C8orf34: variants seen among roughly 807,000 people sequenced by gnomAD.
The protein encoded by C8orf34 is uncharacterized protein C8orf34.
A neutral mutation model predicts 68.3 loss-of-function variants in C8orf34; 65 were observed. The observed-to-expected ratio is 0.95, with a 90% CI of 0.78 to 1.17. The LOEUF is 1.17. C8orf34 is among the 50% of genes most tolerant of loss of function. The pLI is 0.00. For synonymous variants in C8orf34, 244 were observed against 241.2 expected (o/e 1.01, Z -0.11); for missense variants, 664 against 655.4 (o/e 1.01, Z -0.14).
At chr8:68,612,291 G>A (rs1818046520) in intron 7 of C8orf34, among the ~76,000 whole-genome samples, 1 of 152,130 alleles carries the variant, frequency 6.6e-6, no homozygotes, top group Admixed American at 6.6e-5. Flanking sequence ...GAGTTAGCCA[G>A]TTCTTTTCCA....
rs191258465 is a variant in C8orf34 at position 68,660,478 on chromosome 8, C to G, written c.1241+19967C>G. On this transcript the variant is annotated intron_variant, in intron 8 of 13. Coordinates refer to ENST00000518698, the MANE Select transcript of C8orf34 (RefSeq NM_052958.4). ...TTATCCACATTTACCCACACACTGT[C>G]TTTCCCCTGCTGCTCGTAACCTTTG... Among the ~76,000 whole-genome samples the G allele has an allele frequency of 1.7e-4, 26 of 152,312 alleles. No homozygotes were observed. The East Asian group carries it at 3.9e-3, about 23-fold the overall frequency.
chr8:68,743,100 C>A (rs1171477565), intron 10 of C8orf34, among the ~76,000 whole-genome samples: 1 of 152,116 alleles, frequency 6.6e-6, no homozygotes, highest in Non-Finnish European at 1.5e-5. Flanking sequence ...GAATTTAAGT[C>A]CAGCTCTCCT....
At chr8:68,535,856 A>G in intron 7 of C8orf34, 1 of 981,356 alleles carries the variant, frequency 1.0e-6, no homozygotes, top group Non-Finnish European at 1.2e-6. Context: ...CATTTTAAGC[A>G]CCTCTGAAAT....
chr8:68,658,754 A>G (rs1819583294), intron 8 of C8orf34, among the ~76,000 whole-genome samples: 1 of 152,166 alleles, frequency 6.6e-6, no homozygotes, highest in African/African-American at 2.4e-5. Flanking sequence ...TAACCAAATT[A>G]TCCCTTTATG....
At chr8:68,464,320 A>G (rs947070312) in intron 3 of C8orf34, among the ~76,000 whole-genome samples, 2 of 152,224 alleles carry the variant, frequency 1.3e-5, no homozygotes, top group Admixed American at 1.3e-4. Flanking sequence ...AAATGGAAGA[A>G]TATTCCATGC....
At chr8:68,783,768 G>A (rs554080997) in intron 11 of C8orf34, among the ~76,000 whole-genome samples, 3 of 152,090 alleles carry the variant, frequency 2.0e-5, no homozygotes, top group Admixed American at 1.3e-4. Context: ...ACCACCTCGG[G>A]CACATGTCGT....
intron 12 of C8orf34, among the ~76,000 whole-genome samples, chr8:68,811,872 A>G (rs1047676427): frequency 6.6e-6 from 1 of 152,230 alleles, no homozygotes; most frequent in African/African-American, 2.4e-5. Context: ...CCAAGAATAC[A>G]GAATTAGTAA....
At chr8:68,404,273 A>G (rs1286027240) in intron 1 of C8orf34, among the ~76,000 whole-genome samples, 1 of 152,000 alleles carries the variant, frequency 6.6e-6, no homozygotes, top group Non-Finnish European at 1.5e-5. Context: ...TCTGGATATT[A>G]GCCCTTTGTC....
chr8:68,671,448 T>A (rs1368305648), intron 8 of C8orf34, among the ~76,000 whole-genome samples: 1 of 152,190 alleles, frequency 6.6e-6, no homozygotes, highest in South Asian at 2.1e-4. Context: ...ATGTTAGAGC[T>A]AAGTAAATAG....
chr8:68,332,224 TG>T (rs1324418711), intron 1 of C8orf34, among the ~76,000 whole-genome samples: 2 of 151,968 alleles, frequency 1.3e-5, no homozygotes, highest in Non-Finnish European at 2.9e-5. Context: ...GTTGCCAGGG[TG>T]CTGAGCAGGG....
At chr8:68,510,329 C>T (rs1483364378) in intron 5 of C8orf34, among the ~76,000 whole-genome samples, 1 of 152,188 alleles carries the variant, frequency 6.6e-6, no homozygotes, top group Non-Finnish European at 1.5e-5. Flanking sequence ...CTTTGGTTAG[C>T]TCCCTTGGTC....
At chr8:68,648,905 A>G (rs778118091) in intron 8 of C8orf34, among the ~76,000 whole-genome samples, 1 of 152,202 alleles carries the variant, frequency 6.6e-6, no homozygotes, top group Non-Finnish European at 1.5e-5. Context: ...AAAAAAGATG[A>G]ATGTCAAGTC....
chr8:68,452,908 TGGG>T (rs1811404138), intron 3 of C8orf34, among the ~76,000 whole-genome samples: 1 of 151,862 alleles, frequency 6.6e-6, no homozygotes, highest in Non-Finnish European at 1.5e-5. Flanking sequence ...CTCTTACATG[TGGG>T]TAGTTGTTCC....
chr8:68,762,004 A>G (rs1823038063), intron 10 of C8orf34, among the ~76,000 whole-genome samples: 1 of 152,170 alleles, frequency 6.6e-6, no homozygotes, highest in African/African-American at 2.4e-5. Context: ...TCTCACCATC[A>G]CTGTTGGAGC....
intron 5 of C8orf34, among the ~76,000 whole-genome samples, chr8:68,518,500 A>G (rs1323873501): frequency 1.3e-5 from 2 of 152,120 alleles, no homozygotes; most frequent in Admixed American, 6.6e-5. Context: ...GCCCTAAATA[A>G]CAGACAGCCT....
chr8:68,520,546 G>A (rs1274094706), intron 5 of C8orf34, among the ~76,000 whole-genome samples: 1 of 151,976 alleles, frequency 6.6e-6, no homozygotes, highest in African/African-American at 2.4e-5. Context: ...CACCTCCCGG[G>A]TTCACACCAT....
chr8:68,750,566 T>C (rs1023898539), intron 10 of C8orf34, among the ~76,000 whole-genome samples: 1 of 152,156 alleles, frequency 6.6e-6, no homozygotes, highest in Admixed American at 6.6e-5. Flanking sequence ...ATGTACCTAA[T>C]GCCATTCAAT....
intron 7 of C8orf34, among the ~76,000 whole-genome samples, chr8:68,607,909 G>T (rs558985023): frequency 2.4e-4 from 36 of 152,106 alleles, no homozygotes; most frequent in Non-Finnish European, 4.7e-4. Context: ...TGTTCAACAA[G>T]ACTCTAATGA....
chr8:68,578,525 T>C (rs559022927), intron 7 of C8orf34, among the ~76,000 whole-genome samples: 39 of 152,044 alleles, frequency 2.6e-4, no homozygotes, highest in Non-Finnish European at 4.7e-4. Flanking sequence ...CCCATAGAGA[T>C]GGGTTTCTTA....
Sources: gnomAD v4.1 joint callset for allele counts (sites outside exome capture counted in the v4.1 genomes callset) on GRCh38, gnomAD v4.1.1 for gene constraint, MANE v1.5 for transcripts, NCBI Gene and HGNC (gene_info 2026-07-23, HGNC 2026-07-21) for gene names.